Variants in ANKS1B observed in about 807,000 individuals in gnomAD.
ANKS1B encodes ankyrin repeat and sterile alpha motif domain containing 1B, also known as ankyrin repeat and sterile alpha motif domain-containing protein 1B.
Under a neutral mutation model 148.3 loss-of-function variants are expected in ANKS1B, and 36 were observed. The ratio of observed to expected loss-of-function variants is 0.24; its 90% CI spans 0.19 to 0.32. The LOEUF (loss-of-function observed/expected upper bound fraction) is 0.32. ANKS1B is among the 10% of genes least tolerant of loss of function. The pLI, the probability that ANKS1B is intolerant of heterozygous loss-of-function variation, is 1.00. For missense variants in ANKS1B, 1,157 were observed against 1,542.6 expected (o/e 0.75, Z 4.19); for synonymous variants, 542 against 560.8 (o/e 0.97, Z 0.47).
intron 17 of ANKS1B, among the ~76,000 whole-genome samples, chr12:98,846,272 C>T (rs1428743395): frequency 6.6e-6 from 1 of 152,194 alleles, no homozygotes; most frequent in Non-Finnish European, 1.5e-5. Context: ...TTCATTGCCT[C>T]TTGCACTAAA....
intron 8 of ANKS1B, among the ~76,000 whole-genome samples, chr12:99,749,011 C>T (rs2153591758): frequency 6.6e-6 from 1 of 152,236 alleles, no homozygotes; most frequent in African/African-American, 2.4e-5. Flanking sequence ...AAGCTCCCTC[C>T]ATCAGCAAAA....
chr12:98,839,932 C>T (rs954682730), intron 17 of ANKS1B, among the ~76,000 whole-genome samples: 4 of 151,938 alleles, frequency 2.6e-5, no homozygotes, highest in African/African-American at 9.7e-5. Flanking sequence ...CTTTTTTTTG[C>T]GTATGTGTCT....
At chr12:99,462,145 A>G (rs2095987915) in intron 10 of ANKS1B, among the ~76,000 whole-genome samples, 1 of 152,228 alleles carries the variant, frequency 6.6e-6, no homozygotes, top group African/African-American at 2.4e-5. Flanking sequence ...TGTACCACCC[A>G]GATTCAACTT....
At chr12:99,768,740 C>T (rs1048357080) in intron 8 of ANKS1B, among the ~76,000 whole-genome samples, 7 of 147,780 alleles carry the variant, frequency 4.7e-5, no homozygotes, top group African/African-American at 1.2e-4. Flanking sequence ...GCAGGGGAAT[C>T]GCTTGAACCC....
intron 12 of ANKS1B, among the ~76,000 whole-genome samples, chr12:99,279,396 C>A (rs2078093067): frequency 6.6e-6 from 1 of 152,124 alleles, no homozygotes; most frequent in Non-Finnish European, 1.5e-5. Context: ...TACAGCCACT[C>A]CCATAATCTA....
chr12:99,867,348 T>G (rs928861065), intron 1 of ANKS1B, among the ~76,000 whole-genome samples: 6 of 152,102 alleles, frequency 3.9e-5, no homozygotes, highest in African/African-American at 1.2e-4. Context: ...CTTTCAAACT[T>G]TTAAGAAATA....
intron 17 of ANKS1B, among the ~76,000 whole-genome samples, chr12:98,847,738 G>C (rs1260720941): frequency 2.6e-5 from 4 of 152,142 alleles, no homozygotes; most frequent in African/African-American, 9.7e-5. Context: ...TGGGATTACA[G>C]GCATGCGCCA....
chr12:99,923,861 C>A (rs2094424122), intron 1 of ANKS1B, among the ~76,000 whole-genome samples: 1 of 152,056 alleles, frequency 6.6e-6, no homozygotes, highest in African/African-American at 2.4e-5. Flanking sequence ...TTAGCAGGAC[C>A]AGAACTAGGG....
intron 14 of ANKS1B, among the ~76,000 whole-genome samples, chr12:99,159,934 G>A (rs897755407): frequency 2.0e-5 from 3 of 152,132 alleles, no homozygotes; most frequent in African/African-American, 2.4e-5. Context: ...GGTGAGAAAT[G>A]GTATCTCATT....
At chr12:99,769,657 G>T (rs919178641) in intron 8 of ANKS1B, among the ~76,000 whole-genome samples, 2 of 152,082 alleles carry the variant, frequency 1.3e-5, no homozygotes, top group African/African-American at 2.4e-5. Context: ...TGTAATTACC[G>T]CATGAAACTG....
intron 8 of ANKS1B, among the ~76,000 whole-genome samples, chr12:99,689,848 C>G (rs1163134635): frequency 6.6e-6 from 1 of 152,162 alleles, no homozygotes; most frequent in Non-Finnish European, 1.5e-5. Context: ...AACTGAACTT[C>G]AGAGGAGACC....
At chr12:98,983,441 G>A (rs2099918540) in intron 17 of ANKS1B, among the ~76,000 whole-genome samples, 1 of 152,110 alleles carries the variant, frequency 6.6e-6, no homozygotes, top group African/African-American at 2.4e-5. Context: ...TTGGATAAAA[G>A]TCAATATATA....
chr12:98,920,041 A>T (rs2152900939), intron 17 of ANKS1B, among the ~76,000 whole-genome samples: 1 of 152,352 alleles, frequency 6.6e-6, no homozygotes, highest in African/African-American at 2.4e-5. Flanking sequence ...CTTAAACAAC[A>T]GACATTTGTT....
chr12:99,107,849 T>C (rs571603799), intron 15 of ANKS1B, among the ~76,000 whole-genome samples: 4 of 152,238 alleles, frequency 2.6e-5, no homozygotes, highest in African/African-American at 9.6e-5. Context: ...AACACAGATA[T>C]CTAGAGAACA....
intron 12 of ANKS1B, among the ~76,000 whole-genome samples, chr12:99,378,112 T>C (rs557964976): frequency 6.6e-6 from 1 of 152,178 alleles, no homozygotes; most frequent in Non-Finnish European, 1.5e-5. Flanking sequence ...TCATAGATCA[T>C]TTAAGAACCA....
At chr12:99,230,788 AT>A (rs925944875) in intron 14 of ANKS1B, among the ~76,000 whole-genome samples, 58 of 152,218 alleles carry the variant, frequency 3.8e-4, no homozygotes, top group African/African-American at 1.3e-3. Flanking sequence ...TGAAATTCAC[AT>A]TTTTACATGG....
intron 9 of ANKS1B, among the ~76,000 whole-genome samples, chr12:99,637,534 T>G (rs2153413448): frequency 6.6e-6 from 1 of 152,196 alleles, no homozygotes; most frequent in East Asian, 1.9e-4. Context: ...AGACCCACCC[T>G]TAATCTGGGC....
intron 23 of ANKS1B, chr12:98,781,464 G>A (rs973908150): frequency 1.6e-5 from 9 of 563,998 alleles, no homozygotes; most frequent in Middle Eastern, 2.7e-4. Flanking sequence ...AGTTTGTTCC[G>A]CTACTTTGTG....
intron 19 of ANKS1B, among the ~76,000 whole-genome samples, chr12:98,816,012 A>C (rs764754155): frequency 6.6e-6 from 1 of 151,752 alleles, no homozygotes; most frequent in Non-Finnish European, 1.5e-5. Flanking sequence ...TGGTACCCAC[A>C]CTGCTCTACC....
Sources: allele counts gnomAD v4.1 joint callset (sites outside exome capture counted in the v4.1 genomes callset), GRCh38; gene constraint gnomAD v4.1.1; transcripts MANE v1.5; gene names NCBI Gene and HGNC (gene_info 2026-07-23, HGNC 2026-07-21).